The following UNC13C variants were observed in gnomAD, a reference collection of about 807,000 sequenced individuals.
UNC13C encodes unc-13 homolog C, also known as protein unc-13 homolog C.
In UNC13C, 174 loss-of-function variants were observed where a neutral mutation model predicts 245.4. That is an observed-to-expected ratio of 0.71 (90% CI 0.63 to 0.80). The LOEUF (loss-of-function observed/expected upper bound fraction) is 0.80. Among genes scored for constraint, UNC13C ranks in the 30% least tolerant of loss-of-function variants. UNC13C has a pLI of 0.00. For missense variants in UNC13C, 2,829 were observed against 2,602.9 expected (o/e 1.09, Z -1.89); for synonymous variants, 992 against 895.1 (o/e 1.11, Z -1.93).
intron 2 of UNC13C, chr15:54,050,903 A>T: frequency 1.8e-6 from 1 of 551,282 alleles, no homozygotes; most frequent in East Asian, 5.0e-5. Context: ...AAAAATTTAA[A>T]ATGCCACTTG....
chr15:54,488,917 C>G (rs1443150201), intron 19 of UNC13C, among the ~76,000 whole-genome samples: 11 of 152,126 alleles, frequency 7.2e-5, no homozygotes, highest in Admixed American at 7.2e-4. Context: ...TAAATAAATT[C>G]TAAGAGTCAT....
the UNC13C span, among the ~76,000 whole-genome samples, chr15:53,867,420 A>C: frequency 6.6e-6 from 1 of 152,232 alleles, no homozygotes; most frequent in South Asian, 2.1e-4. Context: ...TTAGGGAGGC[A>C]TCCACATCCT....
chr15:54,078,067 C>T (rs900027713), intron 2 of UNC13C, among the ~76,000 whole-genome samples: 2 of 152,086 alleles, frequency 1.3e-5, no homozygotes, highest in Non-Finnish European at 2.9e-5. Flanking sequence ...TTAGTGAGCA[C>T]GTGGTATTTT....
At position 54,280,725 on chromosome 15, in the gene UNC13C, CAT is replaced by C. The variant is rs1301326760; in HGVS notation, c.3819-13167_3819-13166del. Among the ~76,000 whole-genome samples, 8 of 135,110 alleles carry C rather than the reference CAT, an allele frequency of 5.9e-5. No individual in the cohort carries two copies. The South Asian group carries it at 6.7e-4, about 11-fold the overall frequency. The allele number at this position is 135,110 out of a possible 152,430, so 88.6% of individuals were successfully genotyped here. ...ATACATACATATATACATATATAAA[CAT>C]ATGTATACATACATATATACATATA... On this transcript the variant is annotated intron_variant, in intron 10 of 32. Coordinates refer to ENST00000260323, the MANE Select transcript of UNC13C (RefSeq NM_001080534.3).
At chr15:54,631,470 C>T (rs1901456860), downstream of UNC13C, 1 of 152,228 alleles carries the variant, frequency 6.6e-6, no homozygotes, top group African/African-American at 2.4e-5. Context: ...ACAATTCCCT[C>T]ATACCTCAAA....
chr15:54,243,767 A>G (rs952791794), intron 7 of UNC13C, among the ~76,000 whole-genome samples: 7 of 152,140 alleles, frequency 4.6e-5, no homozygotes, highest in Non-Finnish European at 1.0e-4. Flanking sequence ...GACTGCATGA[A>G]TGTCTTCTTT....
intron 7 of UNC13C, among the ~76,000 whole-genome samples, chr15:54,242,925 C>T (rs1443085043): frequency 6.6e-6 from 1 of 152,152 alleles, no homozygotes; most frequent in Non-Finnish European, 1.5e-5. Flanking sequence ...TAGGAATGGT[C>T]AGCCCCCTCC....
intron 24 of UNC13C, among the ~76,000 whole-genome samples, chr15:54,522,489 A>G (rs907999297): frequency 6.1e-5 from 9 of 148,124 alleles, no homozygotes; most frequent in Middle Eastern, 3.4e-3. Context: ...AAAACAAAAC[A>G]AAACAACAAC....
chr15:54,331,907 C>A, intron 14 of UNC13C, 136 bp from the exon 15 acceptor site: 1 of 538,342 alleles, frequency 1.9e-6, no homozygotes, highest in Non-Finnish European at 3.2e-6. Context: ...CACATAGTAA[C>A]TTTATGATCT....
chr15:54,422,509 C>T (rs2040668018), intron 19 of UNC13C, among the ~76,000 whole-genome samples: 1 of 152,006 alleles, frequency 6.6e-6, no homozygotes, highest in South Asian at 2.1e-4. Context: ...TATAATGTAG[C>T]ATGTAGTCTG....
chr15:54,220,905 G>T (rs2140782030), intron 4 of UNC13C, among the ~76,000 whole-genome samples: 1 of 152,054 alleles, frequency 6.6e-6, no homozygotes, highest in South Asian at 2.1e-4. Flanking sequence ...ATAGTGGTTT[G>T]CTACTTGGGA....
chr15:54,018,639 C>T (rs893026659), intron 2 of UNC13C, among the ~76,000 whole-genome samples: 3 of 152,166 alleles, frequency 2.0e-5, no homozygotes, highest in Non-Finnish European at 4.4e-5. Context: ...GATTCCTACA[C>T]CATGATGGTG....
At chr15:54,139,442 T>C (rs969422745) in intron 2 of UNC13C, among the ~76,000 whole-genome samples, 1 of 152,138 alleles carries the variant, frequency 6.6e-6, no homozygotes, top group African/African-American at 2.4e-5. Context: ...ATTCAACCCA[T>C]AACAAAAATA....
intron 4 of UNC13C, among the ~76,000 whole-genome samples, chr15:54,162,491 C>A (rs993213644): frequency 2.0e-5 from 3 of 152,146 alleles, no homozygotes; most frequent in Non-Finnish European, 4.4e-5. Context: ...ATTTCAAAAT[C>A]TCTCTCCCCA....
chr15:53,867,627 G>A, the UNC13C span, among the ~76,000 whole-genome samples: 4 of 152,180 alleles, frequency 2.6e-5, no homozygotes, highest in Non-Finnish European at 5.9e-5. Context: ...GATTGCGGGG[G>A]CAGGGAACTC....
intron 30 of UNC13C, among the ~76,000 whole-genome samples, chr15:54,578,494 C>T (rs1898058497): frequency 6.6e-6 from 1 of 152,082 alleles, no homozygotes; most frequent in Non-Finnish European, 1.5e-5. Context: ...TGTTACTTGC[C>T]TCTCAAATAC....
At chr15:54,033,707 T>C (rs1896459841) in intron 2 of UNC13C, among the ~76,000 whole-genome samples, 1 of 152,116 alleles carries the variant, frequency 6.6e-6, no homozygotes, top group Non-Finnish European at 1.5e-5. Context: ...CCCAGAGATA[T>C]TATGTACCTG....
At chr15:54,493,038 A>G (rs1419415781) in intron 19 of UNC13C, among the ~76,000 whole-genome samples, 1 of 152,200 alleles carries the variant, frequency 6.6e-6, no homozygotes, top group African/African-American at 2.4e-5. Context: ...CTATTTAATG[A>G]TGAGTCTATA....
intron 15 of UNC13C, among the ~76,000 whole-genome samples, chr15:54,332,824 A>T (rs59906408): frequency 2.6e-5 from 4 of 152,060 alleles, no homozygotes; most frequent in African/African-American, 9.7e-5. Flanking sequence ...TTATTTTAAC[A>T]TATCTATCTC....
Sources: gnomAD v4.1 joint callset for allele counts (sites outside exome capture counted in the v4.1 genomes callset) on GRCh38, gnomAD v4.1.1 for gene constraint, MANE v1.5 for transcripts, NCBI Gene and HGNC (gene_info 2026-07-23, HGNC 2026-07-21) for gene names.